SUGCT: variants seen among roughly 807,000 people sequenced by gnomAD.
SUGCT encodes succinyl-CoA:glutarate-CoA transferase, also known as succinyl-CoA:glutarate CoA-transferase.
Under a neutral mutation model 55.0 loss-of-function variants are expected in SUGCT, and 41 were observed. The observed-to-expected ratio is 0.74, with a 90% CI of 0.58 to 0.97. The LOEUF is 0.97. SUGCT is among the 50% of genes least tolerant of loss of function. The probability of loss-of-function intolerance (pLI) is 0.00; values close to 1 mark genes in which losing one functional copy is unlikely to be tolerated. For missense variants in SUGCT, 568 were observed against 547.8 expected (o/e 1.04, Z -0.37); for synonymous variants, 187 against 200.4 (o/e 0.93, Z 0.56).
chr7:40,181,111 A>C (rs977441433), intron 2 of SUGCT, 113 bp downstream of exon 2: 5 of 777,856 alleles, frequency 6.4e-6, no homozygotes, highest in Non-Finnish European at 1.1e-5. Flanking sequence ...AATTTTAGAG[A>C]AGAAAATAAG....
intron 13 of SUGCT, among the ~76,000 whole-genome samples, chr7:40,830,793 A>C (rs1488570960): frequency 2.0e-5 from 3 of 152,232 alleles, no homozygotes; most frequent in Non-Finnish European, 4.4e-5. Context: ...ACAGCACAGA[A>C]GACAGTAACT....
the SUGCT span, among the ~76,000 whole-genome samples, chr7:40,964,127 A>G: frequency 5.5e-3 from 843 of 152,356 alleles, 11 homozygotes; most frequent in African/African-American, 0.019. Context: ...TCCTTGCTCA[A>G]GAAGGACTTC....
chr7:40,489,247 G>GT (rs34447989), intron 11 of SUGCT, among the ~76,000 whole-genome samples: 7,128 of 134,496 alleles, frequency 0.053, 400 homozygotes, highest in African/African-American at 0.16. Context: ...CTCTATTGCA[G>GT]TTTTTTTTTT....
chr7:40,541,789 A>C (rs916105658), intron 12 of SUGCT, among the ~76,000 whole-genome samples: 2 of 152,254 alleles, frequency 1.3e-5, no homozygotes, highest in Non-Finnish European at 2.9e-5. Flanking sequence ...ATAATGTTCC[A>C]TTAAATAAGG....
At chr7:40,823,176 A>G (rs1792116939) in intron 13 of SUGCT, among the ~76,000 whole-genome samples, 1 of 152,146 alleles carries the variant, frequency 6.6e-6, no homozygotes, top group Non-Finnish European at 1.5e-5. Context: ...TTTGAATTTC[A>G]TGGAGCAACC....
intron 12 of SUGCT, among the ~76,000 whole-genome samples, chr7:40,682,495 G>A (rs1022176038): frequency 1.3e-5 from 2 of 152,138 alleles, no homozygotes; most frequent in Admixed American, 6.5e-5. Flanking sequence ...GCTTTAATCC[G>A]TGTGATCTGC....
At chr7:40,896,504 G>T in the SUGCT span, among the ~76,000 whole-genome samples, 4 of 152,102 alleles carry the variant, frequency 2.6e-5, no homozygotes, top group Admixed American at 1.3e-4. Context: ...TTGATTCATG[G>T]GGGCGGTTAC....
chr7:40,862,609 G>A (rs1299304899), downstream of SUGCT, among the ~76,000 whole-genome samples: 2 of 152,152 alleles, frequency 1.3e-5, no homozygotes, highest in Non-Finnish European at 2.9e-5. Flanking sequence ...TTCAGTTTGT[G>A]TCAAGGCCTG....
chr7:40,491,212 A>G (rs1203632519), intron 11 of SUGCT, among the ~76,000 whole-genome samples: 1 of 152,204 alleles, frequency 6.6e-6, no homozygotes, highest in African/African-American at 2.4e-5. Context: ...GACTTGAGAT[A>G]CAACTAACAT....
At chr7:40,405,250 T>C (rs1156308890) in intron 9 of SUGCT, among the ~76,000 whole-genome samples, 1 of 152,226 alleles carries the variant, frequency 6.6e-6, no homozygotes, top group African/African-American at 2.4e-5. Context: ...ACAGTGACCT[T>C]ATCCCTAGGA....
intron 12 of SUGCT, among the ~76,000 whole-genome samples, chr7:40,562,506 T>G (rs17435152): frequency 0.12 from 18,017 of 152,074 alleles, 1,411 homozygotes; most frequent in South Asian, 0.22. Flanking sequence ...CAAGATGTTT[T>G]CTGCTGCGTG....
chr7:40,249,837 A>G lies in SUGCT; in HGVS notation c.576+12111A>G, dbSNP rs183622636. On this transcript the variant is annotated intron_variant, in intron 7 of 13. Transcript: ENST00000335693. ...AGTCTCACTTTGTCGCCTAGTCTGG[A>G]GTGCAGTGGCGCGATCTCGGCTCAC... is the stretch of plus-strand genomic sequence containing the variant. Among the ~76,000 whole-genome samples the G allele has an allele frequency of 1.2e-4, 19 of 152,156 alleles. 1 individual carries two copies. The highest frequency in any genetic ancestry group is 3.9e-4 in the Admixed American group (6 of 15,274).
At chr7:40,524,328 A>T (rs1583894736) in intron 12 of SUGCT, among the ~76,000 whole-genome samples, 1 of 152,266 alleles carries the variant, frequency 6.6e-6, no homozygotes, top group South Asian at 2.1e-4. Context: ...TTTTTTAAAT[A>T]TGCCATATAT....
intron 9 of SUGCT, among the ~76,000 whole-genome samples, chr7:40,380,661 C>T (rs1477249302): frequency 6.6e-6 from 1 of 152,128 alleles, no homozygotes; most frequent in Non-Finnish European, 1.5e-5. Flanking sequence ...TCAGTTTCTT[C>T]CGTCTCTATA....
At chr7:40,555,396 TC>T (rs2151648980) in intron 12 of SUGCT, among the ~76,000 whole-genome samples, 1 of 152,134 alleles carries the variant, frequency 6.6e-6, no homozygotes, top group African/African-American at 2.4e-5. Context: ...TGTCCCTTCA[TC>T]TAGTCTAAAC....
intron 6 of SUGCT, among the ~76,000 whole-genome samples, chr7:40,221,447 C>A (rs534266519): frequency 1.0e-3 from 155 of 148,406 alleles, no homozygotes; most frequent in African/African-American, 3.8e-3. Context: ...TAAAATAAAT[C>A]ATTTGTTTAC....
intron 12 of SUGCT, among the ~76,000 whole-genome samples, chr7:40,640,404 T>G (rs1490655123): frequency 6.6e-6 from 1 of 152,234 alleles, no homozygotes; most frequent in East Asian, 1.9e-4. Flanking sequence ...CTACACTTAG[T>G]GTAGATACAT....
the SUGCT span, among the ~76,000 whole-genome samples, chr7:40,901,680 G>C: frequency 6.6e-6 from 1 of 152,140 alleles, no homozygotes; most frequent in African/African-American, 2.4e-5. Flanking sequence ...AAGGATGCCA[G>C]GCAACAAATC....
intron 9 of SUGCT, among the ~76,000 whole-genome samples, chr7:40,364,119 C>T (rs1332659025): frequency 1.2e-4 from 18 of 150,462 alleles, no homozygotes; most frequent in Non-Finnish European, 1.6e-4. Flanking sequence ...CTGTTTTATC[C>T]GAGACTAGGA....
Sources: gnomAD v4.1 joint callset for allele counts (sites outside exome capture counted in the v4.1 genomes callset) on GRCh38, gnomAD v4.1.1 for gene constraint, MANE v1.5 for transcripts, NCBI Gene and HGNC (gene_info 2026-07-23, HGNC 2026-07-21) for gene names.